Variants in SPC25 observed in about 807,000 individuals in gnomAD.
SPC25 encodes kinetochore protein Spc25.
A neutral mutation model predicts 29.6 loss-of-function variants in SPC25; 22 were observed. The ratio of observed to expected loss-of-function variants is 0.74; its 90% confidence interval spans 0.53 to 1.06. The LOEUF (loss-of-function observed/expected upper bound fraction) is 1.06, where lower values mean the gene tolerates loss of function less well. Ranked by LOEUF, SPC25 falls within the 50% of genes least tolerant of loss-of-function variation. The probability of loss-of-function intolerance (pLI) is 0.00; values close to 1 mark genes in which losing one functional copy is unlikely to be tolerated. For missense variants in SPC25, 230 were observed against 255.8 expected (o/e 0.90, Z 0.69); for synonymous variants, 91 against 90.4 (o/e 1.01, Z -0.04).
At chr2:168,886,358 C>A (rs1176549514) in intron 3 of SPC25, among the ~76,000 whole-genome samples, 6 of 151,152 alleles carry the variant, frequency 4.0e-5, no homozygotes, top group Non-Finnish European at 5.9e-5. Context: ...GAGCCTGGAA[C>A]AATATATTTT....
chr2:168,878,631 G>A (rs951573956), intron 3 of SPC25, among the ~76,000 whole-genome samples: 5 of 152,080 alleles, frequency 3.3e-5, no homozygotes, highest in African/African-American at 1.2e-4. Flanking sequence ...CATCTATCTA[G>A]AATACTCAGA....
At position 168,889,413 on chromosome 2, in the gene SPC25, T is replaced by C; in HGVS notation, c.107A>G (p.Tyr36Cys). ...TGCAAATGCTTTGATGGAATCCTTG[T>C]AGGTATCTCTTAGTCCCGCCATCTG... ...SCQMAGLRDT[Y>C]KDSIKAFAEK... Residue 36 changes from tyrosine (Y) to cysteine (C), a missense_variant, in exon 2 of 7, where the codon TAC (tyrosine) becomes TGC (cysteine). Transcript: ENST00000282074. 2 of 1,614,190 alleles carry C rather than the reference T, an allele frequency of 1.2e-6. No homozygotes were observed. Among genetic ancestry groups the C allele is most frequent in the Non-Finnish European group, 1.7e-6 (2 of 1,180,034 alleles).
At chr2:168,887,421 CA>C (rs5836211) in intron 3 of SPC25, among the ~76,000 whole-genome samples, 69,591 of 131,164 alleles carry the variant, frequency 0.53, 18,647 homozygotes, top group African/African-American at 0.74. Context: ...GACTCCATCT[CA>C]AAAAAAAAAA....
intron 4 of SPC25, among the ~76,000 whole-genome samples, chr2:168,864,606 T>C (rs922765174): frequency 5.9e-5 from 9 of 152,230 alleles, no homozygotes; most frequent in African/African-American, 2.2e-4. Context: ...TAAGCAATTA[T>C]TTTATGATAT....
At chr2:168,868,010 G>C (rs150242606), downstream of SPC25, among the ~76,000 whole-genome samples, 2,438 of 152,156 alleles carry the variant, frequency 0.016, 3 homozygotes, top group African/African-American at 0.054. Context: ...CTGTCTCTCA[G>C]ACCACAGTGC....
downstream of SPC25, among the ~76,000 whole-genome samples, chr2:168,868,695 GA>G (rs1297369277): frequency 6.6e-6 from 1 of 152,180 alleles, no homozygotes; most frequent in Admixed American, 6.5e-5. Flanking sequence ...AACAGGCTCT[GA>G]AATTGAGGCA....
At chr2:168,874,734 T>C (rs1373959227) in intron 5 of SPC25, among the ~76,000 whole-genome samples, 2 of 152,230 alleles carry the variant, frequency 1.3e-5, no homozygotes, top group South Asian at 2.1e-4. Context: ...GAACCTCTAA[T>C]GAGCTTCCTG....
chr2:168,871,536 A>G lies in SPC25; in HGVS notation c.570T>C (p.His190=). The change falls in exon 7 of 7, where the codon CAT becomes CAC. Residue 190 remains histidine, a synonymous_variant. Transcript: ENST00000282074. ...RDYEVSDSAP[H]LEGLAEFQEN... ...CTTGAAATTCTGCTAGGCCCTCAAGATGAGGGGCACTATCTGACACTAGAA... is the reference window on the plus strand; with the variant it reads ...CTTGAAATTCTGCTAGGCCCTCAAGGTGAGGGGCACTATCTGACACTAGAA... 1 of 1,588,256 alleles carries G rather than the reference A, an allele frequency of 6.3e-7. No individual in the cohort carries two copies. The highest frequency in any genetic ancestry group is 8.5e-7 in the Non-Finnish European group (1 of 1,172,258).
At chr2:168,867,341 A>C (rs995292742), downstream of SPC25, among the ~76,000 whole-genome samples, 2 of 152,170 alleles carry the variant, frequency 1.3e-5, no homozygotes, top group African/African-American at 2.4e-5. Context: ...CGAGCAAAAT[A>C]ACCAGCTAAC....
intron 3 of SPC25, among the ~76,000 whole-genome samples, chr2:168,884,513 T>C (rs1391998631): frequency 6.6e-6 from 1 of 152,234 alleles, no homozygotes; most frequent in Non-Finnish European, 1.5e-5. Flanking sequence ...ATTTGGTCAG[T>C]GAATGAATTC....
At chr2:168,880,201 T>C (rs775843570) in intron 3 of SPC25, among the ~76,000 whole-genome samples, 16 of 152,194 alleles carry the variant, frequency 1.1e-4, no homozygotes, top group Admixed American at 2.6e-4. Context: ...AAGTCCTAGA[T>C]GGCATCTTCT....
At chr2:168,887,275 AGTGGTGCGTG>A (rs556848711) in intron 3 of SPC25, among the ~76,000 whole-genome samples, 305 of 152,140 alleles carry the variant, frequency 2.0e-3, no homozygotes, top group African/African-American at 6.5e-3. Flanking sequence ...ACAAAAAATT[AGTGGTGCGTG>A]GTGGTGCGCA....
chr2:168,877,236 A>G lies in SPC25; in HGVS notation c.346+2T>C. 1 of 1,612,524 alleles carries G rather than the reference A, an allele frequency of 6.2e-7. No homozygotes were observed. The highest frequency in any genetic ancestry group is 8.5e-7 in the Non-Finnish European group (1 of 1,179,524). On this transcript the variant is annotated splice_donor_variant, in intron 4 of 6. Transcript: ENST00000282074. LOFTEE classifies it high-confidence loss of function. ...TCAGTATGTTTATAAGAGGAAACTT[A>G]CTTTCCTTCTTCCTAGAATATTCTT...
At chr2:168,862,420 T>TAATC (rs920742134) in intron 4 of SPC25, among the ~76,000 whole-genome samples, 3 of 152,242 alleles carry the variant, frequency 2.0e-5, no homozygotes, top group Admixed American at 1.3e-4. Flanking sequence ...GTCATGCTCC[T>TAATC]AATCACAGTG....
chr2:168,880,432 C>A (rs565961682), intron 3 of SPC25, among the ~76,000 whole-genome samples: 1 of 152,342 alleles, frequency 6.6e-6, no homozygotes, highest in African/African-American at 2.4e-5. Context: ...CTTTCTCAAG[C>A]CTTCACAGAA....
chr2:168,865,391 C>T (rs925362518), intron 4 of SPC25: 10 of 158,356 alleles, frequency 6.3e-5, no homozygotes, highest in Non-Finnish European at 8.3e-5. Context: ...GGGGGTCAAG[C>T]AGAGCCTGGG....
At chr2:168,888,972 T>TATAC (rs572773262) in intron 3 of SPC25, among the ~76,000 whole-genome samples, 26,281 of 103,072 alleles carry the variant, frequency 0.25, 5,228 homozygotes, top group South Asian at 0.44. Context: ...TATATATATA[T>TATAC]ACACACACAC....
intron 4 of SPC25, chr2:168,864,834 G>T (rs371895459): frequency 6.2e-7 from 1 of 1,613,708 alleles, no homozygotes; most frequent in Non-Finnish European, 8.5e-7. Context: ...ATTTTCACAG[G>T]TGACATTGTG....
chr2:168,872,450 G>A (rs1208345138), intron 6 of SPC25, among the ~76,000 whole-genome samples: 2 of 152,160 alleles, frequency 1.3e-5, no homozygotes, highest in Non-Finnish European at 2.9e-5. Flanking sequence ...GTCCTTGTAT[G>A]TAGTTGTACC....
Sources: gnomAD v4.1 joint callset for allele counts (sites outside exome capture counted in the v4.1 genomes callset) on GRCh38, gnomAD v4.1.1 for gene constraint, MANE v1.5 for transcripts, NCBI Gene and HGNC (gene_info 2026-07-23, HGNC 2026-07-21) for gene names.